NDEL1: variants seen among roughly 807,000 people sequenced by gnomAD.
The protein encoded by NDEL1 is nudE neurodevelopment protein 1 like 1.
In NDEL1, 9 loss-of-function variants were observed where a neutral mutation model predicts 45.7. That is an observed-to-expected ratio of 0.20 (90% CI 0.12 to 0.34). The LOEUF is 0.34. Ranked by LOEUF, NDEL1 falls within the 10% of genes least tolerant of loss-of-function variation. The probability of loss-of-function intolerance (pLI) is 1.00; values close to 1 mark genes in which losing one functional copy is unlikely to be tolerated. For missense variants in NDEL1, 306 were observed against 406.2 expected, an observed-to-expected ratio of 0.75 and a Z score of 2.12; for synonymous variants, 133 against 158.6, an observed-to-expected ratio of 0.84 and a Z score of 1.21.
At chr17:8,460,231 A>G (rs1171071570) in intron 8 of NDEL1, 71 bp downstream of exon 8, 2 of 1,494,198 alleles carry the variant, frequency 1.3e-6, no homozygotes, top group Non-Finnish European at 1.8e-6. Context: ...GAGCATAATG[A>G]AGCCTTGAAA....
At chr17:8,458,170 GT>G (rs1056220651) in intron 7 of NDEL1, among the ~76,000 whole-genome samples, 62 of 143,248 alleles carry the variant, frequency 4.3e-4, no homozygotes, top group Admixed American at 4.9e-4. Flanking sequence ...AACACTGACC[GT>G]TTTTTTTTTT....
At chr17:8,426,914 G>A (rs991814801) in intron 1 of NDEL1, among the ~76,000 whole-genome samples, 11 of 152,114 alleles carry the variant, frequency 7.2e-5, no homozygotes, top group Admixed American at 5.2e-4. Context: ...TGTTTCAGCC[G>A]CAACCTAAAC....
In NDEL1 at chr17:8,450,819, A is replaced by C; in HGVS notation, c.566A>C (p.Glu189Ala). ...CTAGCAGTTCGGGAAAGACAACAGG[A>C]AGTAACTAGAAAGTCGGCTCCTAGC... is the stretch of plus-strand genomic sequence containing the variant. Reference protein sequence around the residue: ...QELAVRERQQEVTRKSAPSSP... With the variant: ...QELAVRERQQAVTRKSAPSSP... The change falls in exon 6 of 9, where the codon GAA (glutamate) becomes GCA (alanine). Residue 189 changes from glutamate (E) to alanine (A), a missense_variant. By Grantham distance (107) the Glu-to-Ala change is moderately radical. Around this residue, in one of 3 missense-constraint regions of NDEL1, gnomAD observed 175 missense variants for 205.2 expected, o/e 0.85. Transcript: ENST00000334527. 2 of 1,612,380 alleles carry C rather than the reference A, an allele frequency of 1.2e-6. No homozygotes were observed. The highest frequency in any genetic ancestry group is 1.7e-6 in the Non-Finnish European group (2 of 1,179,410).
rs1911663276 is a variant in NDEL1, at chr17:8,467,287, T to TA, written c.*265dup. The TA allele has an allele frequency of 3.5e-6, 2 of 570,632 alleles. No individual in the cohort carries two copies. The highest frequency in any genetic ancestry group is 6.2e-6 in the Non-Finnish European group (2 of 322,522). 35.3% of individuals were successfully genotyped at this position (570,632 alleles called of 1,614,324 possible). The stretch of plus-strand genomic sequence containing the variant: ...CTTTTGTGGGTCGCAAGGTGATACA[T>TA]ACGTGTATTACTTGGTCACTGGATG... On this transcript the variant is annotated 3_prime_UTR_variant, in exon 9 of 9. Coordinates refer to ENST00000334527, the MANE Select transcript of NDEL1 (RefSeq NM_030808.5). This position sits in a 1 kb window ranked among gnomAD's most constrained non-coding sequence, Gnocchi z 6.3.
At chr17:8,432,947 T>C (rs925420148), upstream of NDEL1, among the ~76,000 whole-genome samples, 10 of 152,160 alleles carry the variant, frequency 6.6e-5, no homozygotes, top group Non-Finnish European at 1.0e-4. Flanking sequence ...GAAAGCAAAA[T>C]GCCTAGAACA....
At chr17:8,420,322 C>A (rs570026845) in intron 1 of NDEL1, among the ~76,000 whole-genome samples, 16 of 152,120 alleles carry the variant, frequency 1.1e-4, no homozygotes, top group Non-Finnish European at 1.9e-4. Flanking sequence ...GGCTGCCCCC[C>A]CAAAATAAAA....
intron 1 of NDEL1, among the ~76,000 whole-genome samples, chr17:8,428,850 T>G (rs1417027624): frequency 1.3e-5 from 2 of 151,796 alleles, no homozygotes; most frequent in Admixed American, 1.3e-4. Context: ...ATTTTTTGTA[T>G]TTTTAGTAGA....
intron 1 of NDEL1, among the ~76,000 whole-genome samples, chr17:8,418,423 A>AAGC (rs1465614197): frequency 6.6e-6 from 1 of 152,212 alleles, no homozygotes; most frequent in Non-Finnish European, 1.5e-5. Context: ...GATAAGCAAA[A>AAGC]AGCAAGGAGA....
intron 1 of NDEL1, among the ~76,000 whole-genome samples, chr17:8,416,481 TGTTA>T (rs925008605): frequency 6.6e-6 from 1 of 152,208 alleles, no homozygotes; most frequent in Non-Finnish European, 1.5e-5. Context: ...TTTCTCTGAA[TGTTA>T]AAGGCAATGG....
At chr17:8,446,978 C>T (rs1910125762) in intron 4 of NDEL1, 76 bp downstream of exon 4, 1 of 1,509,580 alleles carries the variant, frequency 6.6e-7, no homozygotes, top group Admixed American at 2.0e-5. Flanking sequence ...TAGGCTCTTC[C>T]CCTAGATCTT....
At chr17:8,468,613 A>G (rs955101974), downstream of NDEL1, among the ~76,000 whole-genome samples, 2 of 152,256 alleles carry the variant, frequency 1.3e-5, no homozygotes, top group Admixed American at 6.5e-5. Context: ...CAGATACTTG[A>G]TAGCAAGACA....
intron 8 of NDEL1, among the ~76,000 whole-genome samples, chr17:8,461,903 T>A (rs903400680): frequency 1.3e-5 from 2 of 152,130 alleles, no homozygotes; most frequent in Non-Finnish European, 2.9e-5. Flanking sequence ...GTCGGACAGG[T>A]GCCTGTGCGT....
chr17:8,447,776 G>T (rs1225573565), intron 4 of NDEL1, among the ~76,000 whole-genome samples: 3 of 152,004 alleles, frequency 2.0e-5, no homozygotes, highest in Admixed American at 2.0e-4. Flanking sequence ...TTGTTTCCTG[G>T]TATTTCCTTC....
Position 8,467,103 on chromosome 17 carries a change from C to T in NDEL1, c.*80C>T, listed in dbSNP as rs781621255. 1 of 1,417,678 alleles carries T rather than the reference C, an allele frequency of 7.1e-7. No homozygotes were observed. Among genetic ancestry groups the T allele is most frequent in the Non-Finnish European group, 9.9e-7 (1 of 1,013,774 alleles). 87.8% of individuals were successfully genotyped at this position (1,417,678 alleles called of 1,614,324 possible). On this transcript the variant is annotated 3_prime_UTR_variant, in exon 9 of 9. Transcript: ENST00000334527. The surrounding 1 kb of genome is among the most constrained non-coding windows in gnomAD (Gnocchi z 6.3). ...ACGCCTCACCCCTCGGTGCCTGGGC[C>T]CAGCCCCGTGCCCCTCCGTCTGCCT...
chr17:8,437,625 AC>A (rs1909436138), intron 1 of NDEL1, among the ~76,000 whole-genome samples: 2 of 152,190 alleles, frequency 1.3e-5, no homozygotes, highest in Admixed American at 1.3e-4. Context: ...TGTAAATGTC[AC>A]CTTTGAGAGT....
chr17:8,429,643 T>TG (rs1464673256), intron 1 of NDEL1, among the ~76,000 whole-genome samples: 2 of 152,080 alleles, frequency 1.3e-5, no homozygotes, highest in Admixed American at 1.3e-4. Flanking sequence ...ATCATCTATT[T>TG]GGGGGACCAT....
intron 1 of NDEL1, 43 bp from the exon 2 acceptor site, chr17:8,444,217 C>T: frequency 4.8e-6 from 6 of 1,258,050 alleles, no homozygotes; most frequent in Non-Finnish European, 7.0e-6. Flanking sequence ...GCTTAGATTT[C>T]TCTGTTCTCT....
chr17:8,419,793 G>T (rs556240879), intron 1 of NDEL1, among the ~76,000 whole-genome samples: 7 of 152,228 alleles, frequency 4.6e-5, no homozygotes, highest in Admixed American at 1.3e-4. Flanking sequence ...CATGTTTGTT[G>T]CTGGGTCAGA....
chr17:8,467,109 C>G lies in NDEL1; in HGVS notation c.*86C>G. The G allele has an allele frequency of 7.5e-7, 1 of 1,335,418 alleles. No individual in the cohort carries two copies. The highest frequency in any genetic ancestry group is 1.1e-6 in the Non-Finnish European group (1 of 945,574). The allele number at this position is 1,335,418 out of a possible 1,614,324, so 82.7% of individuals were successfully genotyped here. On this transcript the variant is annotated 3_prime_UTR_variant, in exon 9 of 9. Transcript: ENST00000334527. This position sits in a 1 kb window ranked among gnomAD's most constrained non-coding sequence, Gnocchi z 6.3. ...CACCCCTCGGTGCCTGGGCCCAGCC[C>G]CGTGCCCCTCCGTCTGCCTCCGCAC... is the stretch of plus-strand genomic sequence containing the variant.
Sources: allele counts gnomAD v4.1 joint callset (sites outside exome capture counted in the v4.1 genomes callset), GRCh38; gene constraint gnomAD v4.1.1; regional missense constraint gnomAD v4.1.1; non-coding constraint Gnocchi (gnomAD v3.1); transcripts MANE v1.5; gene names NCBI Gene and HGNC (gene_info 2026-07-23, HGNC 2026-07-21).